The following TMEM130 variants were observed in gnomAD, a reference collection of about 807,000 sequenced individuals.
The protein encoded by TMEM130 is transmembrane protein 130.
TMEM130 carries 37 observed loss-of-function variants against 42.9 expected under a neutral mutation model. That is an observed-to-expected ratio of 0.86 (90% CI 0.66 to 1.13). The LOEUF is 1.13. Among genes scored for constraint, TMEM130 ranks in the 50% most tolerant of loss-of-function variants. The pLI, the probability that TMEM130 is intolerant of heterozygous loss-of-function variation, is 0.00. For synonymous variants in TMEM130, 259 were observed against 237.7 expected, an observed-to-expected ratio of 1.09 and a Z score of -0.82; for missense variants, 545 against 562.6, an observed-to-expected ratio of 0.97 and a Z score of 0.32.
intron 5 of TMEM130, among the ~76,000 whole-genome samples, chr7:98,852,847 T>G (rs560024121): frequency 1.1e-3 from 165 of 152,314 alleles, no homozygotes; most frequent in Non-Finnish European, 1.6e-3. Context: ...TCCACCCACC[T>G]CAGCCTCTGA....
At chr7:98,862,959 C>G in intron 2 of TMEM130, 136 bp downstream of exon 2, 2 of 961,916 alleles carry the variant, frequency 2.1e-6, no homozygotes, top group South Asian at 3.2e-5. Flanking sequence ...TCGACTGACC[C>G]GGGGAAGGAA....
intron 2 of TMEM130, among the ~76,000 whole-genome samples, chr7:98,862,357 G>A (rs1405126038): frequency 6.6e-6 from 1 of 151,298 alleles, no homozygotes; most frequent in Admixed American, 6.6e-5. Context: ...AGAGAGAGAA[G>A]GGACAGAGAG....
intron 5 of TMEM130, among the ~76,000 whole-genome samples, chr7:98,852,886 C>T (rs1357166960): frequency 6.6e-6 from 1 of 152,128 alleles, no homozygotes; most frequent in Non-Finnish European, 1.5e-5. Flanking sequence ...CATGAGCTAC[C>T]GTCCCTGACC....
At chr7:98,854,095 T>C (rs1554398618) in intron 5 of TMEM130, among the ~76,000 whole-genome samples, 1 of 148,010 alleles carries the variant, frequency 6.8e-6, no homozygotes, top group African/African-American at 2.5e-5. Flanking sequence ...TGGAGTGCAA[T>C]GGCGGGATCT....
At chr7:98,860,641 C>A (rs184116352) in intron 2 of TMEM130, among the ~76,000 whole-genome samples, 1 of 152,022 alleles carries the variant, frequency 6.6e-6, no homozygotes, top group Non-Finnish European at 1.5e-5. Context: ...CAAAAGATGC[C>A]CAAGGTCAGA....
intron 6 of TMEM130, among the ~76,000 whole-genome samples, chr7:98,850,273 A>ATATATATTTTTTTTTTTT: frequency 1.4e-4 from 5 of 35,466 alleles, no homozygotes; most frequent in South Asian, 1.1e-3. Flanking sequence ...ATATATATAT[A>ATATATATTTTTTTTTTTT]TTTTTTTTTT....
Position 98,851,570 on chromosome 7 carries a change from T to C in TMEM130, c.857A>G (p.Glu286Gly). 1.9e-6 allele frequency: 3 copies of C among 1,613,770 alleles called. No individual in the cohort carries two copies. The highest frequency in any genetic ancestry group is 2.5e-6 in the Non-Finnish European group (3 of 1,179,846). ...CACGGACACAGGGTGGCACTCCCCT[T>C]CCTCCAGCGGGAGGCACTCAGGCTT... is the stretch of plus-strand genomic sequence containing the variant. ...RLKPECLPLEEGECHPVSVAS... is the reference protein window; with the variant it reads ...RLKPECLPLEGGECHPVSVAS... The change falls in exon 6 of 8, where the codon GAA becomes GGA. Residue 286 changes from glutamate (E) to glycine (G), a missense_variant. By Grantham distance (98) the Glu-to-Gly change is moderately conservative. Coordinates refer to ENST00000339375, the MANE Select transcript of TMEM130 (RefSeq NM_152913.3).
Position 98,848,676 on chromosome 7 carries a change from A to G in TMEM130, c.1026T>C (p.Phe342=), listed in dbSNP as rs555729645. The G allele has an allele frequency of 6.2e-7, 1 of 1,613,778 alleles. No homozygotes were observed. Among genetic ancestry groups the G allele is most frequent in the South Asian group, 1.1e-5 (1 of 91,062 alleles). The part of the protein sequence containing the change: ...VWPSRIQPAV[F]AFPCATLITV... The stretch of plus-strand genomic sequence containing the variant: ...TGATAAGTGTAGCACATGGGAAAGC[A>G]AAGACAGCCGGCTGGATTCCTGGGA... The change falls in exon 7 of 8, where the codon TTT becomes TTC. Residue 342 remains phenylalanine (F), a synonymous_variant. Coordinates refer to ENST00000339375, the MANE Select transcript of TMEM130 (RefSeq NM_152913.3).
chr7:98,865,478 T>C (rs1794886714), intron 1 of TMEM130, among the ~76,000 whole-genome samples: 1 of 152,102 alleles, frequency 6.6e-6, no homozygotes, highest in African/African-American at 2.4e-5. Context: ...TGTGGTGGCA[T>C]GCGCCTGTAA....
rs183322726 is a variant in TMEM130 at position 98,868,987 on chromosome 7, C to T, written c.85+790G>A. Among the ~76,000 whole-genome samples, 903 of 152,256 alleles carry T rather than the reference C, an allele frequency of 5.9e-3. 4 individuals are homozygous for T. Among genetic ancestry groups the T allele is most frequent in the African/African-American group, 0.018 (745 of 41,534 alleles). ...TAGATCCCTTGCTCTCTCTCTCCAC[C>T]GCTCTTTTATGAGGGGGGAGGGGGT... On this transcript the variant is annotated intron_variant, in intron 1 of 7. Transcript: ENST00000339375.
chr7:98,854,140 C>G (rs1231663693), intron 5 of TMEM130, among the ~76,000 whole-genome samples: 1 of 150,702 alleles, frequency 6.6e-6, no homozygotes, highest in Non-Finnish European at 1.5e-5. Flanking sequence ...CAGGTTCAAG[C>G]AATTCCCCTG....
intron 1 of TMEM130, chr7:98,865,936 T>TC (rs1794897073): frequency 5.7e-6 from 1 of 174,796 alleles, no homozygotes; most frequent in Non-Finnish European, 1.2e-5. Flanking sequence ...CCCCCACAAG[T>TC]CCCCCCAGGA....
intron 6 of TMEM130, among the ~76,000 whole-genome samples, 197 bp downstream of exon 6, chr7:98,851,223 GT>G (rs1305777927): frequency 6.6e-6 from 1 of 152,176 alleles, no homozygotes; most frequent in African/African-American, 2.4e-5. Context: ...TTTGGTGGTG[GT>G]GGTATTGGCA....
chr7:98,855,906 G>A, intron 4 of TMEM130, 111 bp downstream of exon 4: 1 of 1,283,648 alleles, frequency 7.8e-7, no homozygotes, highest in Non-Finnish European at 1.1e-6. Flanking sequence ...TCAGAGGTCT[G>A]TGGGGCTCCA....
At chr7:98,854,352 TTCTCAACAGGAGGGATCCC>T (rs1456733245) in intron 5 of TMEM130, among the ~76,000 whole-genome samples, 1 of 151,968 alleles carries the variant, frequency 6.6e-6, no homozygotes, top group African/African-American at 2.4e-5. Flanking sequence ...CACAGAGGGC[TTCTCAACAGGAGGGATCCC>T]TCCCAACCTT....
rs369131231 is a variant in TMEM130 at position 98,859,381 on chromosome 7, AG to A, written c.551+797del. On this transcript the variant is annotated intron_variant, in intron 3 of 7. Transcript: ENST00000339375. Reference sequence around the variant, plus strand: ...CCAAGGGTTGGCTGGGTACCCTTCGAGGTCAAATGGGAAAAAATCTCATGTA... The same window carrying A: ...CCAAGGGTTGGCTGGGTACCCTTCGAGTCAAATGGGAAAAAATCTCATGTA... Among the ~76,000 whole-genome samples the A allele has an allele frequency of 1.5e-3, 227 of 152,316 alleles. 1 individual carries two copies. The highest frequency in any genetic ancestry group is 5.2e-3 in the African/African-American group (218 of 41,572).
At position 98,869,994 on chromosome 7, in the gene TMEM130, G is replaced by C; in HGVS notation, c.-133C>G. 2.1e-6 allele frequency: 1 copy of C among 484,384 alleles called. No homozygotes were observed. Among genetic ancestry groups the C allele is most frequent in the Non-Finnish European group, 3.2e-6 (1 of 314,236 alleles). The allele number at this position is 484,384 out of a possible 1,614,324, so 30.0% of individuals were successfully genotyped here. On this transcript the variant is annotated 5_prime_UTR_variant, in exon 1 of 8. Coordinates refer to ENST00000339375, the MANE Select transcript of TMEM130 (RefSeq NM_152913.3). The surrounding 1 kb of genome is among the most constrained non-coding windows in gnomAD (Gnocchi z 4.7). Reference sequence around the variant, plus strand: ...GGAGGTGCGGGCGCCGTGCTCGCTCGTCCTCGCCGGGGGACGCTCTGTCGC... The same window carrying C: ...GGAGGTGCGGGCGCCGTGCTCGCTCCTCCTCGCCGGGGGACGCTCTGTCGC...
intron 3 of TMEM130, among the ~76,000 whole-genome samples, chr7:98,856,537 TCTCA>T (rs1260749583): frequency 7.5e-4 from 114 of 152,300 alleles, no homozygotes; most frequent in Non-Finnish European, 1.3e-4. Flanking sequence ...TGAGACAGGG[TCTCA>T]CTCTGTCACC....
intron 6 of TMEM130, among the ~76,000 whole-genome samples, chr7:98,850,651 CA>C (rs1316554610): frequency 1.3e-5 from 2 of 151,990 alleles, no homozygotes; most frequent in Admixed American, 1.3e-4. Flanking sequence ...TGGGTTCAAT[CA>C]GTCCACCCGC....
Sources: allele counts gnomAD v4.1 joint callset (sites outside exome capture counted in the v4.1 genomes callset), GRCh38; gene constraint gnomAD v4.1.1; non-coding constraint Gnocchi (gnomAD v3.1); transcripts MANE v1.5; gene names NCBI Gene and HGNC (gene_info 2026-07-23, HGNC 2026-07-21).